The following FDFT1 variants were observed in gnomAD, a reference collection of about 807,000 sequenced individuals.
The protein encoded by FDFT1 is farnesyl-diphosphate farnesyltransferase 1, also known as squalene synthase.
Under a neutral mutation model 46.8 loss-of-function variants are expected in FDFT1, and 68 were observed. The observed-to-expected ratio is 1.45, with a 90% confidence interval of 1.19 to 1.78. The LOEUF is 1.78. Among genes scored for constraint, FDFT1 ranks in the 40% most tolerant of loss-of-function variants. The pLI is 0.00. For synonymous variants in FDFT1, 351 were observed against 185.1 expected (o/e 1.90, Z -7.28); for missense variants, 928 against 524.4 (o/e 1.77, Z -7.52).
chr8:11,820,473 A>G (rs1363180803), intron 3 of FDFT1, among the ~76,000 whole-genome samples: 1 of 139,892 alleles, frequency 7.1e-6, no homozygotes, highest in Non-Finnish European at 1.6e-5. Context: ...CTAGAGAGGC[A>G]GTAGGCCTTG....
intron 3 of FDFT1, among the ~76,000 whole-genome samples, chr8:11,813,875 G>C (rs1234528718): frequency 1.3e-5 from 2 of 151,966 alleles, no homozygotes; most frequent in Non-Finnish European, 2.9e-5. Context: ...ATGAAACTGG[G>C]CACTGAGTGC....
chr8:11,805,360 T>A (rs1806697614), intron 1 of FDFT1, among the ~76,000 whole-genome samples: 1 of 152,204 alleles, frequency 6.6e-6, no homozygotes, highest in Non-Finnish European at 1.5e-5. Context: ...TATCAGTAAA[T>A]CTACGGGCAT....
In FDFT1 at chr8:11,802,938, C is replaced by G; in HGVS notation, c.99+7C>G. The G allele has an allele frequency of 1.3e-6, 2 of 1,598,512 alleles. No individual in the cohort carries two copies. The highest frequency in any genetic ancestry group is 1.7e-6 in the Non-Finnish European group (2 of 1,172,288). ...GATGCCCAAGATGGACCAGGTGGGC[C>G]GAGCCTCCCTGCTTGCCCGGGGCGG... On this transcript the variant is annotated splice_region_variant and intron_variant, in intron 1 of 7. Coordinates refer to ENST00000220584, the MANE Select transcript of FDFT1 (RefSeq NM_004462.5).
chr8:11,803,051 G>A, intron 1 of FDFT1, 120 bp downstream of exon 1: 4 of 1,465,464 alleles, frequency 2.7e-6, no homozygotes, highest in Non-Finnish European at 3.6e-6. Flanking sequence ...CCGACGCCTG[G>A]GTGTTCCCGT....
chr8:11,809,709 C>T lies in FDFT1; in HGVS notation c.240C>T (p.Asp80=). ...TTTATCTGGTTCTCCGAGCTCTGGA[C>T]ACACTGGAAGATGACATGACCATCA... ...CIFYLVLRAL[D]TLEDDMTISV... The change falls in exon 3 of 8, where the codon GAC becomes GAT. Residue 80 remains aspartate, a synonymous_variant. Transcript: ENST00000220584. 6.2e-7 allele frequency: 1 copy of T among 1,614,074 alleles called. No homozygotes were observed. The highest frequency in any genetic ancestry group is 1.1e-5 in the South Asian group (1 of 91,078).
intron 1 of FDFT1, among the ~76,000 whole-genome samples, chr8:11,806,075 C>A (rs75548537): frequency 0.012 from 1,772 of 152,254 alleles, 47 homozygotes; most frequent in African/African-American, 0.04. Flanking sequence ...AGGAAGGCTC[C>A]GTGGAGGGCT....
chr8:11,801,942 G>C (rs187400157), upstream of FDFT1: 2,914 of 455,264 alleles, frequency 6.4e-3, 18 homozygotes, highest in Admixed American at 0.013. Flanking sequence ...ACCCGCCTTG[G>C]CCTCCCAAAG....
upstream of FDFT1, chr8:11,802,431 C>T (rs1207789447): frequency 8.7e-6 from 4 of 459,376 alleles, no homozygotes; most frequent in East Asian, 6.8e-5. Context: ...CTCCAGTCCC[C>T]ACAGCGTTCG....
At chr8:11,802,443 G>T (rs1455962048), upstream of FDFT1, 1 of 461,024 alleles carries the variant, frequency 2.2e-6, no homozygotes, top group Non-Finnish European at 4.3e-6. Context: ...CAGCGTTCGC[G>T]CTCCCAGCCG....
intron 1 of FDFT1, chr8:11,808,300 A>G: frequency 1.6e-6 from 2 of 1,225,118 alleles, no homozygotes; most frequent in Non-Finnish European, 2.0e-6. Flanking sequence ...GGGTTCCCTT[A>G]GCGGCCAGTG....
intron 5 of FDFT1, among the ~76,000 whole-genome samples, chr8:11,828,957 C>G (rs7009969): frequency 0.013 from 1,925 of 152,258 alleles, 39 homozygotes; most frequent in African/African-American, 0.044. Flanking sequence ...GTGAATAGTA[C>G]TGTGTACATT....
intron 2 of FDFT1, chr8:11,809,105 A>AG (rs1196350048): frequency 1.4e-4 from 178 of 1,253,424 alleles, no homozygotes; most frequent in Admixed American, 4.3e-4. Context: ...CTTTCAGAGA[A>AG]GAGGGGGGAG....
At position 11,809,968 on chromosome 8, in the gene FDFT1, A is replaced by G. The variant is rs1807474137; in HGVS notation, c.381+118A>G. 5.2e-6 allele frequency: 4 copies of G among 765,322 alleles called. No individual in the cohort carries two copies. The East Asian group carries it at 1.1e-4, about 22-fold the overall frequency. The allele number at this position is 765,322 out of a possible 1,614,324, so 47.4% of individuals were successfully genotyped here. Reference sequence around the variant, plus strand: ...AAATAAGCATTCTGAGGGCAGCATAATGTGAGGGTTAAAAACTCCGGTAGC... The same window carrying G: ...AAATAAGCATTCTGAGGGCAGCATAGTGTGAGGGTTAAAAACTCCGGTAGC... On this transcript the variant is annotated intron_variant, in intron 3 of 7. Coordinates refer to ENST00000220584, the MANE Select transcript of FDFT1 (RefSeq NM_004462.5).
At chr8:11,805,552 C>CTTA (rs1806727636) in intron 1 of FDFT1, among the ~76,000 whole-genome samples, 1 of 152,204 alleles carries the variant, frequency 6.6e-6, no homozygotes, top group Non-Finnish European at 1.5e-5. Flanking sequence ...ACCTTGGTAA[C>CTTA]TTAACCTCTG....
chr8:11,798,576 A>T (rs1232467174), upstream of FDFT1, among the ~76,000 whole-genome samples: 3 of 152,210 alleles, frequency 2.0e-5, no homozygotes, highest in Admixed American at 6.5e-5. Context: ...TATCAATGAC[A>T]CCTGGATTTT....
chr8:11,826,280 C>A (rs912170889), intron 5 of FDFT1, 65 bp downstream of exon 5: 2 of 1,294,282 alleles, frequency 1.5e-6, no homozygotes, highest in Non-Finnish European at 2.1e-6. Flanking sequence ...TCCTTTAACT[C>A]TTGTGGTTGC....
intron 7 of FDFT1, among the ~76,000 whole-genome samples, chr8:11,837,853 C>T (rs141842542): frequency 1.3e-5 from 2 of 152,232 alleles, no homozygotes; most frequent in South Asian, 2.1e-4. Flanking sequence ...GGATTCTGCA[C>T]ATACTTGGGA....
chr8:11,829,256 GTGGCATTAAGTACATTAA>G (rs1468841672), intron 5 of FDFT1, among the ~76,000 whole-genome samples: 1 of 152,138 alleles, frequency 6.6e-6, no homozygotes, highest in Non-Finnish European at 1.5e-5. Flanking sequence ...CTATTATTCA[GTGGCATTAAGTACATTAA>G]TGATGTTATA....
At chr8:11,811,549 A>G (rs1374649760) in intron 3 of FDFT1, among the ~76,000 whole-genome samples, 1 of 152,220 alleles carries the variant, frequency 6.6e-6, no homozygotes, top group East Asian at 1.9e-4. Flanking sequence ...TTTCCAGATG[A>G]TATTCCAACA....
Sources: gnomAD v4.1 joint callset for allele counts (sites outside exome capture counted in the v4.1 genomes callset) on GRCh38, gnomAD v4.1.1 for gene constraint, MANE v1.5 for transcripts, NCBI Gene and HGNC (gene_info 2026-07-23, HGNC 2026-07-21) for gene names.